Variants in SPTBN2 observed in about 807,000 individuals in gnomAD.
SPTBN2 encodes the protein spectrin beta, non-erythrocytic 2.
In SPTBN2, 107 loss-of-function variants were observed where a neutral mutation model predicts 284.2. The ratio of observed to expected loss-of-function variants is 0.38; its 90% confidence interval spans 0.32 to 0.44. The LOEUF is 0.44. Ranked by LOEUF, SPTBN2 falls within the 20% of genes least tolerant of loss-of-function variation. The probability of loss-of-function intolerance (pLI) is 1.00; values close to 1 mark genes in which losing one functional copy is unlikely to be tolerated. For synonymous variants in SPTBN2, 1,289 were observed against 1,354.8 expected (o/e 0.95, Z 1.07); for missense variants, 2,569 against 3,287.1 (o/e 0.78, Z 5.34).
rs1198682084 is a variant in SPTBN2, at chr11:66,683,338, T to C, written c.*2533A>G. ...GCCTCGGCCTCCCAAAGTGCTGGGA[T>C]TACAGGCGTGAGCCACCGCGCCCGG... On this transcript the variant is annotated 3_prime_UTR_variant, in exon 38 of 38. Coordinates refer to ENST00000533211, the MANE Select transcript of SPTBN2 (RefSeq NM_006946.4). 6.6e-6 allele frequency among the ~76,000 whole-genome samples: 1 copy of C among 152,194 alleles called. No homozygotes were observed. The highest frequency in any genetic ancestry group is 1.9e-4 in the East Asian group (1 of 5,194).
rs777128229 is a variant in SPTBN2, at chr11:66,715,323, C to T, written c.382G>A (p.Glu128Lys). The change falls in exon 5 of 38, where the codon GAG (glutamate) becomes AAG (lysine). Residue 128 changes from glutamate (E) to lysine (K), a missense_variant. Coordinates refer to ENST00000533211, the MANE Select transcript of SPTBN2 (RefSeq NM_006946.4). This position sits in a 1 kb window ranked among gnomAD's most constrained non-coding sequence, Gnocchi z 5.3. ...NVDKALQFLK[E>K]QKVHLENMGS... The stretch of plus-strand genomic sequence containing the variant: ...ATGTTTTCCAAGTGCACTTTCTGCT[C>T]CTTGAGGAACTGCAGTGCCTTGTCC... The T allele has an allele frequency of 6.2e-7, 1 of 1,614,112 alleles. No individual in the cohort carries two copies. The highest frequency in any genetic ancestry group is 8.5e-7 in the Non-Finnish European group (1 of 1,180,046).
chr11:66,687,259 A>G lies in SPTBN2; in HGVS notation c.6723-92T>C. 1.3e-6 allele frequency: 2 copies of G among 1,581,620 alleles called. No homozygotes were observed. Among genetic ancestry groups the G allele is most frequent in the South Asian group, 2.2e-5 (2 of 89,300 alleles). On this transcript the variant is annotated intron_variant, in intron 35 of 37. Coordinates refer to ENST00000533211, the MANE Select transcript of SPTBN2 (RefSeq NM_006946.4). The surrounding 1 kb of genome is among the most constrained non-coding windows in gnomAD (Gnocchi z 5.2). ...TCCTAGGACTTCCAGTTCTGCTCCC[A>G]TCTTTAGGCCACGGTCTTCACACCC...
chr11:66,722,453 G>A (rs187580286), intron 1 of SPTBN2, among the ~76,000 whole-genome samples: 3 of 151,912 alleles, frequency 2.0e-5, no homozygotes, highest in African/African-American at 4.8e-5. Context: ...GTGGGTGCCT[G>A]TAGTCCCAGC....
chr11:66,737,671 A>C (rs1942863281), intron 1 of SPTBN2, among the ~76,000 whole-genome samples: 1 of 152,232 alleles, frequency 6.6e-6, no homozygotes, highest in South Asian at 2.1e-4. Flanking sequence ...GCTAGATACC[A>C]ACTTGTTATG....
intron 26 of SPTBN2, among the ~76,000 whole-genome samples, 186 bp downstream of exon 26, chr11:66,692,350 T>G (rs1396006894): frequency 6.6e-6 from 1 of 152,186 alleles, no homozygotes; most frequent in Non-Finnish European, 1.5e-5. Context: ...GTGCTAGGAT[T>G]ACAGGTGTGA....
intron 29 of SPTBN2, 98 bp downstream of exon 29, chr11:66,689,707 T>G: frequency 6.4e-7 from 1 of 1,567,360 alleles, no homozygotes; most frequent in Non-Finnish European, 8.7e-7. Flanking sequence ...ATGAAAGGTT[T>G]CTTGCAAAGA....
upstream of SPTBN2, among the ~76,000 whole-genome samples, chr11:66,729,432 A>C (rs1942759487): frequency 6.6e-6 from 1 of 152,128 alleles, no homozygotes; most frequent in Admixed American, 6.5e-5. Context: ...GTTTCTATCC[A>C]GGGAATGCCT....
At position 66,705,082 on chromosome 11, in the gene SPTBN2, G is replaced by T. The variant is rs1207348240; in HGVS notation, c.2194C>A (p.Leu732Ile). The change falls in exon 15 of 38, where the codon CTA (leucine) becomes ATA (isoleucine). Residue 732 changes from leucine to isoleucine, a missense_variant. Leu to Ile is a conservative substitution (Grantham distance 5). Around this residue, in one of 6 missense-constraint regions of SPTBN2, gnomAD observed 1,012 missense variants for 1,248.9 expected, o/e 0.81. Transcript: ENST00000533211. The part of the protein sequence containing the change: ...AAELQAQWER[L>I]EALAEERAQR... ...GCACGCTCCTCGGCCAGGGCCTCTA[G>T]CCGCTCCCACTGGGCTTGGAGTTCA... 1.1e-5 allele frequency: 18 copies of T among 1,577,890 alleles called. No homozygotes were observed. The highest frequency in any genetic ancestry group is 1.5e-5 in the Non-Finnish European group (17 of 1,169,050).
chr11:66,721,017 G>A, intron 3 of SPTBN2, 67 bp downstream of exon 3: 1 of 1,604,264 alleles, frequency 6.2e-7, no homozygotes, highest in South Asian at 1.1e-5. Flanking sequence ...AAGTTAAAGG[G>A]CTCTTCATGA....
At chr11:66,731,210 G>C (rs1326895235), upstream of SPTBN2, among the ~76,000 whole-genome samples, 1 of 152,140 alleles carries the variant, frequency 6.6e-6, no homozygotes, top group Non-Finnish European at 1.5e-5. Context: ...ACTGTTTCCC[G>C]ATTTGGAGAG....
At chr11:66,704,524 A>ACTCAC (rs1167607410) in intron 15 of SPTBN2, 74 bp downstream of exon 15, 2 of 1,519,518 alleles carry the variant, frequency 1.3e-6, no homozygotes, top group African/African-American at 1.4e-5. Flanking sequence ...TTATGGAGGG[A>ACTCAC]CTCACCACCC....
chr11:66,688,416 AGAG>A, intron 31 of SPTBN2, 105 bp from the exon 32 acceptor site: 9 of 1,536,004 alleles, frequency 5.9e-6, no homozygotes, highest in Non-Finnish European at 7.9e-6. Context: ...AAATATGATA[AGAG>A]GAGAACAGAA....
At chr11:66,713,262 T>G (rs1941971292) in intron 8 of SPTBN2, among the ~76,000 whole-genome samples, 1 of 151,802 alleles carries the variant, frequency 6.6e-6, no homozygotes, top group South Asian at 2.1e-4. Flanking sequence ...CACCATAAAA[T>G]TCAACCTTTC....
intron 15 of SPTBN2, among the ~76,000 whole-genome samples, chr11:66,703,441 A>G (rs1941352437): frequency 6.6e-6 from 1 of 151,966 alleles, no homozygotes; most frequent in Non-Finnish European, 1.5e-5. Context: ...GATCATATCA[A>G]GAAATTCCTG....
At chr11:66,719,189 G>A (rs1249080395) in intron 3 of SPTBN2, among the ~76,000 whole-genome samples, 1 of 152,258 alleles carries the variant, frequency 6.6e-6, no homozygotes, top group Non-Finnish European at 1.5e-5. Flanking sequence ...CAGGCACTGT[G>A]CGAGGCATTT....
At position 66,693,791 on chromosome 11, in the gene SPTBN2, A is replaced by G; in HGVS notation, c.4574T>C (p.Leu1525Pro). The G allele has an allele frequency of 6.2e-7, 1 of 1,613,566 alleles. No individual in the cohort carries two copies. The highest frequency in any genetic ancestry group is 8.5e-7 in the Non-Finnish European group (1 of 1,179,802). ...CCTCACCTGGTTTTTCTTCATGAGA[A>G]GCTGGACGCTGGGCAGGTCCTTGCC... The part of the protein sequence containing the change: ...EHGKDLPSVQ[L>P]LMKKNQTLQK... The change falls in exon 23 of 38, where the codon CTT becomes CCT. Residue 1525 changes from leucine (L) to proline (P), a missense_variant. Coordinates refer to ENST00000533211, the MANE Select transcript of SPTBN2 (RefSeq NM_006946.4). This position sits in a 1 kb window ranked among gnomAD's most constrained non-coding sequence, Gnocchi z 5.7.
rs1941998657 is a variant in SPTBN2 at position 66,713,710 on chromosome 11, A to G, written c.693T>C (p.Cys231=). 1 of 1,614,024 alleles carries G rather than the reference A, an allele frequency of 6.2e-7. No individual in the cohort carries two copies. The highest frequency in any genetic ancestry group is 1.3e-5 in the African/African-American group (1 of 74,930). Residue 231 remains cysteine, a synonymous_variant, in exon 8 of 38, where the codon TGT becomes TGC. Coordinates refer to ENST00000533211, the MANE Select transcript of SPTBN2 (RefSeq NM_006946.4). The part of the protein sequence containing the change: ...DLLDFESLKK[C]NAHYNLQNAF... ...CATTCTGCAGATTATAGTGTGCATTACACTTCTTCAGAGACTCAAAATCCA... is the reference window on the plus strand; with the variant it reads ...CATTCTGCAGATTATAGTGTGCATTGCACTTCTTCAGAGACTCAAAATCCA...
intron 1 of SPTBN2, among the ~76,000 whole-genome samples, chr11:66,740,566 G>A (rs1942889152): frequency 6.6e-6 from 1 of 152,196 alleles, no homozygotes; most frequent in African/African-American, 2.4e-5. Flanking sequence ...GAGCTAATCT[G>A]AGCCTCATGG....
In SPTBN2 at chr11:66,699,619, G is replaced by A. The variant is rs533957360; in HGVS notation, c.3574-11C>T. On this transcript the variant is annotated splice_polypyrimidine_tract_variant and intron_variant, in intron 17 of 37. Coordinates refer to ENST00000533211, the MANE Select transcript of SPTBN2 (RefSeq NM_006946.4). ...AGACAGAACATATTCCTGTGTGGGA[G>A]GGATGACATTCAGCTCATTTTCCCC... The A allele has an allele frequency of 1.2e-6, 2 of 1,613,714 alleles. No individual in the cohort carries two copies. The highest frequency in any genetic ancestry group is 2.7e-5 in the African/African-American group (2 of 75,012).
Sources: allele counts gnomAD v4.1 joint callset (sites outside exome capture counted in the v4.1 genomes callset), GRCh38; gene constraint gnomAD v4.1.1; regional missense constraint gnomAD v4.1.1; non-coding constraint Gnocchi (gnomAD v3.1); transcripts MANE v1.5; gene names NCBI Gene and HGNC (gene_info 2026-07-23, HGNC 2026-07-21).